The following MASP1 variants were observed in gnomAD, a reference collection of about 807,000 sequenced individuals.
MASP1 encodes the protein mannan-binding lectin serine protease 1.
MASP1 carries 59 observed loss-of-function variants against 77.1 expected under a neutral mutation model. The observed-to-expected ratio is 0.77, with a 90% CI of 0.62 to 0.95. The LOEUF (loss-of-function observed/expected upper bound fraction) is 0.95. MASP1 is among the 40% of genes least tolerant of loss of function. The pLI is 0.00. For synonymous variants in MASP1, 362 were observed against 354.5 expected, an observed-to-expected ratio of 1.02 and a Z score of -0.24; for missense variants, 885 against 912.9, an observed-to-expected ratio of 0.97 and a Z score of 0.39.
At chr3:187,232,611 G>A (rs923281788), downstream of MASP1, among the ~76,000 whole-genome samples, 2 of 152,076 alleles carry the variant, frequency 1.3e-5, no homozygotes, top group African/African-American at 4.8e-5. Flanking sequence ...TGTTCAATCA[G>A]TCGCTGAGCT....
downstream of MASP1, among the ~76,000 whole-genome samples, chr3:187,230,303 G>A (rs1712689859): frequency 6.6e-6 from 1 of 152,214 alleles, no homozygotes; most frequent in African/African-American, 2.4e-5. Flanking sequence ...GCCCAGATCT[G>A]CCAACAATCA....
Position 187,236,280 on chromosome 3 carries a change from C to T in MASP1, c.1591G>A (p.Ala531Thr), listed in dbSNP as rs1288130415. 5 of 1,614,100 alleles carry T rather than the reference C, an allele frequency of 3.1e-6. No individual in the cohort carries two copies. Among genetic ancestry groups the T allele is most frequent in the Non-Finnish European group, 4.2e-6 (5 of 1,180,050 alleles). ...GLHDVRDKSGAVNSSAARVVL... is the reference protein window; with the variant it reads ...GLHDVRDKSGTVNSSAARVVL... ...ACTCGGGCAGCTGAGCTGTTGACTG[C>T]CCCCGATTTGTCTCGCACATCATGC... Residue 531 changes from alanine (A) to threonine (T), a missense_variant, in exon 11 of 11, where the codon GCA becomes ACA. Coordinates refer to ENST00000296280, the MANE Select transcript of MASP1 (RefSeq NM_139125.4).
chr3:187,236,617 C>A, intron 10 of MASP1, 50 bp from the exon 11 acceptor site: 2 of 1,612,796 alleles, frequency 1.2e-6, no homozygotes, highest in South Asian at 2.2e-5. Context: ...CTGGTCAGGT[C>A]AGCCATGTGA....
chr3:187,280,190 A>G (rs549923481), intron 2 of MASP1, among the ~76,000 whole-genome samples: 1 of 152,348 alleles, frequency 6.6e-6, no homozygotes, highest in Admixed American at 6.5e-5. Context: ...GGCTATTACA[A>G]TAGACTAGTT....
In MASP1 at chr3:187,236,040, G is replaced by A. The variant is rs769109077; in HGVS notation, c.1831C>T (p.Arg611Trp). ...TVDEIISSGT[R>W]TLSDVLQYVK... ...TACTGCAGGACATCTGACAAGGTCC[G>A]TGTGCCACTGCTGATGATCTCATCC... The change falls in exon 11 of 11, where the codon CGG (arginine) becomes TGG (tryptophan). Residue 611 changes from arginine (R) to tryptophan (W), a missense_variant. Coordinates refer to ENST00000296280, the MANE Select transcript of MASP1 (RefSeq NM_139125.4). 69 of 1,614,034 alleles carry A rather than the reference G, an allele frequency of 4.3e-5. No individual in the cohort carries two copies. Among genetic ancestry groups the A allele is most frequent in the Non-Finnish European group, 5.4e-5 (64 of 1,180,046 alleles).
chr3:187,261,641 T>C (rs1715588702), intron 3 of MASP1, among the ~76,000 whole-genome samples: 1 of 152,224 alleles, frequency 6.6e-6, no homozygotes, highest in Non-Finnish European at 1.5e-5. Context: ...AAATGTTACA[T>C]TTGCTTTGGA....
chr3:187,244,627 C>T (rs1033594032), intron 8 of MASP1: 6 of 152,156 alleles, frequency 3.9e-5, no homozygotes, highest in South Asian at 2.1e-4. Context: ...AGACTTGACT[C>T]GTCTAAGGAC....
At chr3:187,291,509 C>T in intron 1 of MASP1, 119 bp downstream of exon 1, 1 of 1,347,692 alleles carries the variant, frequency 7.4e-7, no homozygotes, top group Non-Finnish European at 1.1e-6. Context: ...ATGAGAAAGC[C>T]CCTCACTACC....
rs553390360 is a variant in MASP1, at chr3:187,257,467, C to T, written c.548-607G>A. Among the ~76,000 whole-genome samples, 28 of 152,182 alleles carry T rather than the reference C, an allele frequency of 1.8e-4. No individual in the cohort carries two copies. In the South Asian group the frequency reaches 5.6e-3, roughly 31 times the overall value. The stretch of plus-strand genomic sequence containing the variant: ...CCCACTGCAACCTTCGCCTCCACCT[C>T]CACCTCCACCTTCTCCCAGTGATCC... On this transcript the variant is annotated intron_variant, in intron 4 of 10. Transcript: ENST00000296280.
At chr3:187,220,437 T>C (rs1711978572) in intron 15 of MASP1, among the ~76,000 whole-genome samples, 1 of 151,984 alleles carries the variant, frequency 6.6e-6, no homozygotes, top group South Asian at 2.1e-4. Context: ...CTCAAATGAT[T>C]CTAAAAAGCC....
At position 187,222,975 on chromosome 3, in the gene MASP1, C is replaced by T; in HGVS notation, c.1809+152G>A. The T allele has an allele frequency of 4.3e-6, 3 of 699,956 alleles. No individual in the cohort carries two copies. In the South Asian group the frequency reaches 4.6e-5, roughly 11 times the overall value. 43.4% of individuals were successfully genotyped at this position (699,956 alleles called of 1,614,324 possible). A position where few individuals can be genotyped will look rare whatever the true frequency, so the allele number is the denominator to read the frequency against. ...AATCAAGCTTTCTGGGGTTCAAAGT[C>T]CCATTGAACTTTGGAGGTGGGTCTG... On this transcript the variant is annotated intron_variant, in intron 14 of 15. Transcript: ENST00000337774.
At chr3:187,223,094 G>A in intron 14 of MASP1, 2 of 1,576,240 alleles carry the variant, frequency 1.3e-6, no homozygotes, top group Non-Finnish European at 1.7e-6. Context: ...GAGCTGAGGT[G>A]TCACTGTCTG....
At chr3:187,248,494 T>C (rs889998366) in intron 8 of MASP1, among the ~76,000 whole-genome samples, 1 of 152,192 alleles carries the variant, frequency 6.6e-6, no homozygotes, top group Admixed American at 6.5e-5. Context: ...TGCATTTGTA[T>C]CTAGAACTTC....
At chr3:187,286,177 C>A in intron 1 of MASP1, 121 bp from the exon 2 acceptor site, 1 of 785,788 alleles carries the variant, frequency 1.3e-6, no homozygotes, top group South Asian at 1.5e-5. Flanking sequence ...CCGTAATTAG[C>A]TTTCCCCTTC....
chr3:187,237,719 G>A (rs1415228608), intron 10 of MASP1, among the ~76,000 whole-genome samples: 2 of 152,222 alleles, frequency 1.3e-5, no homozygotes, highest in African/African-American at 4.8e-5. Flanking sequence ...GAACATGCTT[G>A]CATGGCCCTT....
chr3:187,252,293 T>G (rs1169087040), intron 6 of MASP1, among the ~76,000 whole-genome samples: 1 of 152,214 alleles, frequency 6.6e-6, no homozygotes, highest in Non-Finnish European at 1.5e-5. Flanking sequence ...AACTGAAATT[T>G]GCGCCCCTGT....
chr3:187,283,569 A>T (rs1329642272), intron 2 of MASP1, among the ~76,000 whole-genome samples: 1 of 152,214 alleles, frequency 6.6e-6, no homozygotes, highest in African/African-American at 2.4e-5. Flanking sequence ...GGGGCAAATT[A>T]TGAGAAGAAG....
chr3:187,283,906 C>T, intron 2 of MASP1, among the ~76,000 whole-genome samples: 1 of 152,214 alleles, frequency 6.6e-6, no homozygotes, highest in Non-Finnish European at 1.5e-5. Context: ...TACAATCCAT[C>T]TTATCCTGGA....
At chr3:187,224,076 C>T (rs905892921) in intron 13 of MASP1, among the ~76,000 whole-genome samples, 2 of 152,232 alleles carry the variant, frequency 1.3e-5, no homozygotes, top group African/African-American at 4.8e-5. Flanking sequence ...AAATACTCCT[C>T]AGATTACATC....
Sources: gnomAD v4.1 joint callset for allele counts (sites outside exome capture counted in the v4.1 genomes callset) on GRCh38, gnomAD v4.1.1 for gene constraint, MANE v1.5 for transcripts, NCBI Gene and HGNC (gene_info 2026-07-23, HGNC 2026-07-21) for gene names.